AGO3: variants seen among roughly 807,000 people sequenced by gnomAD.
AGO3 encodes the protein argonaute RISC catalytic component 3, also known as protein argonaute-3.
A neutral mutation model predicts 105.5 loss-of-function variants in AGO3; 16 were observed. That is an observed-to-expected ratio of 0.15 (90% CI 0.10 to 0.23). The LOEUF (loss-of-function observed/expected upper bound fraction) is 0.23. AGO3 is among the 10% of genes least tolerant of loss of function. The probability of loss-of-function intolerance (pLI) is 1.00; values close to 1 mark genes in which losing one functional copy is unlikely to be tolerated. For missense variants in AGO3, 534 were observed against 1,088.0 expected (o/e 0.49, Z 7.16); for synonymous variants, 340 against 367.3 (o/e 0.93, Z 0.85).
intron 5 of AGO3, among the ~76,000 whole-genome samples, chr1:35,977,915 A>G (rs1263399142): frequency 1.3e-5 from 2 of 152,178 alleles, no homozygotes; most frequent in African/African-American, 2.4e-5. Context: ...ATTTTAGAAA[A>G]CAAAATGTAT....
chr1:36,038,701 T>C (rs1199661922), intron 14 of AGO3, among the ~76,000 whole-genome samples: 1 of 152,192 alleles, frequency 6.6e-6, no homozygotes, highest in Non-Finnish European at 1.5e-5. Context: ...AATAATGTTA[T>C]AAGTTCATGC....
At chr1:36,023,020 C>T (rs186876116) in intron 11 of AGO3, among the ~76,000 whole-genome samples, 1 of 151,948 alleles carries the variant, frequency 6.6e-6, no homozygotes, top group Admixed American at 6.5e-5. Flanking sequence ...CCAAAGTTCA[C>T]ACCTTCTTAT....
Position 35,987,702 on chromosome 1 carries a change from G to A in AGO3, c.658+14191G>A, listed in dbSNP as rs1014165022. 1.2e-4 allele frequency among the ~76,000 whole-genome samples: 18 copies of A among 151,688 alleles called. 1 individual carries two copies. Among genetic ancestry groups the A allele is most frequent in the African/African-American group, 3.9e-4 (16 of 41,402 alleles). On this transcript the variant is annotated intron_variant, in intron 5 of 18. Coordinates refer to ENST00000373191, the MANE Select transcript of AGO3 (RefSeq NM_024852.4). ...TAGACCAAAAAAATTTAAGAAAAATGTGAGAGTATGTTTATGTGAGCAAAG... is the reference window on the plus strand; with the variant it reads ...TAGACCAAAAAAATTTAAGAAAAATATGAGAGTATGTTTATGTGAGCAAAG...
chr1:36,056,930 C>CG lies in AGO3; in HGVS notation c.*1189dup, dbSNP rs1231838782. 1 of 151,952 alleles carries CG rather than the reference C, an allele frequency of 6.6e-6. No homozygotes were observed. The highest frequency in any genetic ancestry group is 1.5e-5 in the Non-Finnish European group (1 of 68,046). 9.4% of individuals were successfully genotyped at this position (151,952 alleles called of 1,614,324 possible). A position where few individuals can be genotyped will look rare whatever the true frequency, so the allele number is the denominator to read the frequency against. On this transcript the variant is annotated 3_prime_UTR_variant, in exon 19 of 19. Coordinates refer to ENST00000373191, the MANE Select transcript of AGO3 (RefSeq NM_024852.4). ...CTAATTTTTGTATTTTTAGTAGAGA[C>CG]GGGGTTTCACCGTGTTGGCCAGGAT...
chr1:36,070,702 T>A lies in AGO3; in HGVS notation c.*14957T>A, dbSNP rs1049040968. 6.6e-6 allele frequency: 1 copy of A among 152,192 alleles called. No individual in the cohort carries two copies. The highest frequency in any genetic ancestry group is 1.5e-5 in the Non-Finnish European group (1 of 68,040). The allele number at this position is 152,192 out of a possible 1,614,324, so 9.4% of individuals were successfully genotyped here. A position where few individuals can be genotyped will look rare whatever the true frequency, so the allele number is the denominator to read the frequency against. ...AAGCTGGCATCTGCATTAATTTCAA[T>A]GAGAATTTCAAGTACTGAAGATGAA... On this transcript the variant is annotated 3_prime_UTR_variant, in exon 19 of 19. Coordinates refer to ENST00000373191, the MANE Select transcript of AGO3 (RefSeq NM_024852.4).
chr1:35,977,250 A>AT (rs979864058), intron 5 of AGO3, among the ~76,000 whole-genome samples: 1 of 147,122 alleles, frequency 6.8e-6, no homozygotes, highest in East Asian at 2.0e-4. Flanking sequence ...ACCCATAAAA[A>AT]TTTTTTTTTA....
intron 14 of AGO3, among the ~76,000 whole-genome samples, chr1:36,037,058 CTG>C (rs1252750273): frequency 6.6e-6 from 1 of 152,062 alleles, no homozygotes; most frequent in African/African-American, 2.4e-5. Flanking sequence ...TCTTTGCTCT[CTG>C]TGTTTGTAAC....
chr1:35,981,879 T>C (rs1188101240), intron 5 of AGO3, among the ~76,000 whole-genome samples: 1 of 152,226 alleles, frequency 6.6e-6, no homozygotes, highest in African/African-American at 2.4e-5. Context: ...CAGATTCCTT[T>C]ATACTTCTTG....
At chr1:35,972,933 G>C (rs1646895247) in intron 4 of AGO3, among the ~76,000 whole-genome samples, 1 of 137,766 alleles carries the variant, frequency 7.3e-6, no homozygotes. Context: ...CTGGACTCAA[G>C]TAATCCTCTC....
intron 5 of AGO3, among the ~76,000 whole-genome samples, chr1:35,984,964 G>A (rs614235): frequency 0.27 from 38,245 of 143,780 alleles, 8,090 homozygotes; most frequent in East Asian, 0.69. Flanking sequence ...GAAACACATT[G>A]TCCTTATTAA....
At chr1:36,054,883 AAAAAC>A (rs1319167859) in intron 17 of AGO3, 58 bp from the exon 18 acceptor site, 48 of 1,535,238 alleles carry the variant, frequency 3.1e-5, no homozygotes, top group African/African-American at 4.1e-5. Context: ...CTTTGTCTCA[AAAAAC>A]AAAACAAAAC....
intron 3 of AGO3, among the ~76,000 whole-genome samples, chr1:35,969,982 G>T (rs963664504): frequency 6.6e-6 from 1 of 152,060 alleles, no homozygotes; most frequent in African/African-American, 2.4e-5. Flanking sequence ...GTGTATATGG[G>T]GTCCATTGTG....
chr1:36,043,568 A>G lies in AGO3; in HGVS notation c.2274+20A>G, dbSNP rs756322598. On this transcript the variant is annotated intron_variant, in intron 17 of 18. Transcript: ENST00000373191. Reference sequence around the variant, plus strand: ...ATACAGGTAAGCCTACACTTTGGGTAAAATATTTTAATTCAAGAACTGTCA... The same window carrying G: ...ATACAGGTAAGCCTACACTTTGGGTGAAATATTTTAATTCAAGAACTGTCA... The G allele has an allele frequency of 6.5e-7, 1 of 1,541,820 alleles. No individual in the cohort carries two copies. Among genetic ancestry groups the G allele is most frequent in the Admixed American group, 1.9e-5 (1 of 51,782 alleles).
In AGO3 at chr1:36,071,228, A is replaced by C. The variant is rs970078413; in HGVS notation, c.*15483A>C. ...AACAAAACAATACAAAACAAAAAAAACCCTAAGTAATGGAGGAAGAAATAG... is the reference window on the plus strand; with the variant it reads ...AACAAAACAATACAAAACAAAAAAACCCCTAAGTAATGGAGGAAGAAATAG... On this transcript the variant is annotated 3_prime_UTR_variant, in exon 19 of 19. Coordinates refer to ENST00000373191, the MANE Select transcript of AGO3 (RefSeq NM_024852.4). The C allele has an allele frequency of 9.2e-5, 14 of 152,278 alleles. No homozygotes were observed. Among genetic ancestry groups the C allele is most frequent in the Admixed American group, 2.0e-4 (3 of 15,290 alleles). The allele number at this position is 152,278 out of a possible 1,614,324, so 9.4% of individuals were successfully genotyped here.
chr1:36,035,937 G>A (rs560018895), intron 13 of AGO3, among the ~76,000 whole-genome samples: 26 of 151,948 alleles, frequency 1.7e-4, no homozygotes, highest in African/African-American at 6.0e-4. Flanking sequence ...GGAGGCTAAG[G>A]CAGGAGAATG....
intron 2 of AGO3, among the ~76,000 whole-genome samples, chr1:35,950,660 A>G (rs149699968): frequency 1.2e-4 from 19 of 152,272 alleles, no homozygotes; most frequent in African/African-American, 4.6e-4. Flanking sequence ...GTATATTTCA[A>G]ATGTTACTAG....
At position 36,029,289 on chromosome 1, in the gene AGO3, C is replaced by T. The variant is rs116669928; in HGVS notation, c.1591+1991C>T. On this transcript the variant is annotated intron_variant, in intron 12 of 18. Coordinates refer to ENST00000373191, the MANE Select transcript of AGO3 (RefSeq NM_024852.4). Reference sequence around the variant, plus strand: ...AAAATATAATTTTCAAACCACTGAACGGGGTAAAATCATGTAAGTTTAGAA... The same window carrying T: ...AAAATATAATTTTCAAACCACTGAATGGGGTAAAATCATGTAAGTTTAGAA... Among the ~76,000 whole-genome samples the T allele has an allele frequency of 7.3e-3, 1,101 of 151,078 alleles. 11 individuals carry two copies. The highest frequency in any genetic ancestry group is 0.025 in the African/African-American group (1,043 of 41,162).
intron 16 of AGO3, 114 bp from the exon 17 acceptor site, chr1:36,043,333 G>A (rs1441035640): frequency 1.3e-6 from 1 of 769,378 alleles, no homozygotes; most frequent in African/African-American, 1.8e-5. Context: ...CATATTTCAA[G>A]GTGAAAGTAG....
At chr1:35,979,569 G>T (rs1260559518) in intron 5 of AGO3, among the ~76,000 whole-genome samples, 2 of 151,864 alleles carry the variant, frequency 1.3e-5, no homozygotes, top group Non-Finnish European at 2.9e-5. Context: ...TTTGTTTTTT[G>T]TTCTCTCAGA....
Sources: allele counts gnomAD v4.1 joint callset (sites outside exome capture counted in the v4.1 genomes callset), GRCh38; gene constraint gnomAD v4.1.1; transcripts MANE v1.5; gene names NCBI Gene and HGNC (gene_info 2026-07-23, HGNC 2026-07-21).